MTRF1: variants seen among roughly 807,000 people sequenced by gnomAD.
The protein encoded by MTRF1 is mitochondrial translation release factor 1, also known as peptide chain release factor 1, mitochondrial.
In MTRF1, 51 loss-of-function variants were observed where a neutral mutation model predicts 62.9. The ratio of observed to expected loss-of-function variants is 0.81; its 90% CI spans 0.65 to 1.02. The LOEUF (loss-of-function observed/expected upper bound fraction) is 1.02. MTRF1 is among the 50% of genes least tolerant of loss of function. The pLI, the probability that MTRF1 is intolerant of heterozygous loss-of-function variation, is 0.00. For synonymous variants in MTRF1, 158 were observed against 181.9 expected, an observed-to-expected ratio of 0.87 and a Z score of 1.06; for missense variants, 446 against 530.0, an observed-to-expected ratio of 0.84 and a Z score of 1.56.
At chr13:41,268,856 C>T in the MTRF1 span, among the ~76,000 whole-genome samples, 2 of 151,994 alleles carry the variant, frequency 1.3e-5, no homozygotes, top group Non-Finnish European at 2.9e-5. Flanking sequence ...TCTTTTTTTA[C>T]ATCAAGCCCA....
At chr13:41,310,860 T>C in the MTRF1 span, among the ~76,000 whole-genome samples, 2 of 152,194 alleles carry the variant, frequency 1.3e-5, no homozygotes, top group African/African-American at 4.8e-5. Flanking sequence ...AAACTCTGAC[T>C]CTTCAGAGTC....
chr13:41,276,779 G>A, the MTRF1 span, among the ~76,000 whole-genome samples: 1 of 152,174 alleles, frequency 6.6e-6, no homozygotes, highest in African/African-American at 2.4e-5. Context: ...ATTCTGCTAA[G>A]GAGTAGACAT....
intron 7 of MTRF1, 128 bp from the exon 8 acceptor site, chr13:41,226,696 C>A: frequency 9.3e-7 from 1 of 1,071,336 alleles, no homozygotes; most frequent in Non-Finnish European, 1.4e-6. Context: ...TTAGGTTTAG[C>A]ACACTTCAGA....
the MTRF1 span, among the ~76,000 whole-genome samples, chr13:41,281,729 C>T: frequency 3.3e-5 from 5 of 152,184 alleles, no homozygotes; most frequent in Non-Finnish European, 7.3e-5. Context: ...GTACTGACTC[C>T]ATGTTAGAGA....
chr13:41,245,458 G>A (rs907450658), intron 5 of MTRF1, among the ~76,000 whole-genome samples: 1 of 151,780 alleles, frequency 6.6e-6, no homozygotes, highest in Non-Finnish European at 1.5e-5. Context: ...GACCCAGGCT[G>A]GTCTCAAACT....
chr13:41,270,986 G>A, the MTRF1 span, among the ~76,000 whole-genome samples: 4 of 151,562 alleles, frequency 2.6e-5, no homozygotes, highest in African/African-American at 4.9e-5. Context: ...TCATCCACCC[G>A]CTTTGGCCTC....
intron 5 of MTRF1, among the ~76,000 whole-genome samples, chr13:41,247,535 T>A (rs1200051658): frequency 6.6e-6 from 1 of 152,206 alleles, no homozygotes; most frequent in African/African-American, 2.4e-5. Flanking sequence ...AGGATCCACC[T>A]GTCTTCTGTA....
chr13:41,289,098 G>A, the MTRF1 span, among the ~76,000 whole-genome samples: 1,115 of 152,164 alleles, frequency 7.3e-3, 18 homozygotes, highest in African/African-American at 0.025. Flanking sequence ...GAAAAAGCTC[G>A]ATGAGTGAGT....
At chr13:41,260,276 G>A (rs951264176) in intron 2 of MTRF1, among the ~76,000 whole-genome samples, 1 of 151,906 alleles carries the variant, frequency 6.6e-6, no homozygotes, top group Admixed American at 6.6e-5. Context: ...GAAGTGGGGG[G>A]CCAGGACTTA....
At chr13:41,274,917 A>G in the MTRF1 span, among the ~76,000 whole-genome samples, 5 of 151,438 alleles carry the variant, frequency 3.3e-5, no homozygotes, top group Admixed American at 6.6e-5. Flanking sequence ...CCGGCCTATT[A>G]TTATTTTCAT....
intron 6 of MTRF1, among the ~76,000 whole-genome samples, chr13:41,238,320 A>G (rs1043520017): frequency 6.6e-6 from 1 of 152,224 alleles, no homozygotes; most frequent in African/African-American, 2.4e-5. Context: ...AAAGGCTACT[A>G]TAGACCAAAT....
chr13:41,279,729 G>A, the MTRF1 span, among the ~76,000 whole-genome samples: 1 of 152,066 alleles, frequency 6.6e-6, no homozygotes, highest in East Asian at 1.9e-4. Context: ...CCTTGAAATT[G>A]CCCTGCAAGG....
the MTRF1 span, among the ~76,000 whole-genome samples, chr13:41,275,167 A>G: frequency 2.0e-5 from 3 of 152,054 alleles, no homozygotes; most frequent in African/African-American, 7.2e-5. Flanking sequence ...GATTCAGACA[A>G]TTCTGATGTT....
the MTRF1 span, among the ~76,000 whole-genome samples, chr13:41,292,340 T>G: frequency 3.3e-5 from 5 of 152,164 alleles, no homozygotes; most frequent in Admixed American, 3.3e-4. Flanking sequence ...ATCCCAGCAC[T>G]TTGGGAGACC....
intron 2 of MTRF1, among the ~76,000 whole-genome samples, chr13:41,259,747 C>T (rs1258413842): frequency 7.0e-6 from 1 of 142,706 alleles, no homozygotes; most frequent in Non-Finnish European, 1.6e-5. Flanking sequence ...TAAAAGCTTC[C>T]TTCCTGGTTC....
the MTRF1 span, among the ~76,000 whole-genome samples, chr13:41,292,736 A>G: frequency 3.3e-5 from 5 of 152,078 alleles, no homozygotes; most frequent in Non-Finnish European, 1.5e-5. Flanking sequence ...TCAGGGTAAC[A>G]ATAGTGAGAC....
chr13:41,309,341 A>AGTGTGT, the MTRF1 span, among the ~76,000 whole-genome samples: 2,596 of 135,630 alleles, frequency 0.019, 40 homozygotes, highest in East Asian at 0.052. Context: ...ATGCCCAGCT[A>AGTGTGT]GTGTGTGTGT....
chr13:41,302,484 C>T, the MTRF1 span, among the ~76,000 whole-genome samples: 7 of 151,948 alleles, frequency 4.6e-5, 1 homozygote, highest in South Asian at 1.5e-3. Context: ...TTTCTGTGCC[C>T]CAATACAGGG....
chr13:41,306,975 A>G, the MTRF1 span, among the ~76,000 whole-genome samples: 1 of 152,232 alleles, frequency 6.6e-6, no homozygotes, highest in Non-Finnish European at 1.5e-5. Flanking sequence ...GGTAGAAATA[A>G]GATCTGTTCC....
Sources: allele counts gnomAD v4.1 joint callset (sites outside exome capture counted in the v4.1 genomes callset), GRCh38; gene constraint gnomAD v4.1.1; transcripts MANE v1.5; gene names NCBI Gene and HGNC (gene_info 2026-07-23, HGNC 2026-07-21).